ARMC9: variants seen among roughly 807,000 people sequenced by gnomAD.
ARMC9 encodes armadillo repeat containing 9, also known as lisH domain-containing protein ARMC9.
In ARMC9, 94 loss-of-function variants were observed where a neutral mutation model predicts 107.0. The ratio of observed to expected loss-of-function variants is 0.88; its 90% CI spans 0.74 to 1.04. The LOEUF (loss-of-function observed/expected upper bound fraction) is 1.04. ARMC9 is among the 50% of genes least tolerant of loss of function. The pLI is 0.00. For synonymous variants in ARMC9, 380 were observed against 396.9 expected, an observed-to-expected ratio of 0.96 and a Z score of 0.51; for missense variants, 942 against 1,030.1, an observed-to-expected ratio of 0.91 and a Z score of 1.17.
At chr2:231,211,166 A>G (rs1005672589) in intron 3 of ARMC9, among the ~76,000 whole-genome samples, 1 of 151,586 alleles carries the variant, frequency 6.6e-6, no homozygotes, top group Non-Finnish European at 1.5e-5. Flanking sequence ...ACACCCCCAC[A>G]GTTTATCTGT....
chr2:231,309,086 G>C (rs1455035163), intron 19 of ARMC9, among the ~76,000 whole-genome samples: 1 of 152,196 alleles, frequency 6.6e-6, no homozygotes, highest in African/African-American at 2.4e-5. Context: ...GCTTCTTTCT[G>C]GTACCTTTTC....
At chr2:231,254,959 T>C (rs183349274) in intron 9 of ARMC9, among the ~76,000 whole-genome samples, 1 of 152,314 alleles carries the variant, frequency 6.6e-6, no homozygotes, top group East Asian at 1.9e-4. Flanking sequence ...GGCTTTAATA[T>C]ACAAGCACAT....
intron 13 of ARMC9, among the ~76,000 whole-genome samples, chr2:231,272,500 G>GTGTT (rs61386916): frequency 0.26 from 38,262 of 147,460 alleles, 5,195 homozygotes; most frequent in African/African-American, 0.3. Context: ...CAACCAGTAA[G>GTGTT]TGTTTGTTTG....
At chr2:231,221,958 A>G (rs1040213678) in intron 5 of ARMC9, among the ~76,000 whole-genome samples, 27 of 152,066 alleles carry the variant, frequency 1.8e-4, no homozygotes, top group Non-Finnish European at 5.9e-5. Context: ...CTGGAGAGGC[A>G]GAGACAGTGG....
chr2:231,270,405 G>A (rs542754616), intron 12 of ARMC9: 8 of 349,982 alleles, frequency 2.3e-5, no homozygotes, highest in Middle Eastern at 4.0e-4. Context: ...TAATTCATTC[G>A]TCTTTATTTT....
chr2:231,376,679 A>G lies in ARMC9; in HGVS notation c.*5144A>G, dbSNP rs891569038. ...TCGCCCTGCCTCCACTTGCCTTGTGATATTCTATTACCCTGTTAAGTACTT... is the reference window on the plus strand; with the variant it reads ...TCGCCCTGCCTCCACTTGCCTTGTGGTATTCTATTACCCTGTTAAGTACTT... On this transcript the variant is annotated 3_prime_UTR_variant, in exon 25 of 25. Coordinates refer to ENST00000611582, the MANE Select transcript of ARMC9 (RefSeq NM_001352754.2). 7.2e-5 allele frequency among the ~76,000 whole-genome samples: 11 copies of G among 152,074 alleles called. No homozygotes were observed. The highest frequency in any genetic ancestry group is 2.7e-4 in the African/African-American group (11 of 41,468).
At chr2:231,371,139 C>T in intron 24 of ARMC9, 1 of 506,602 alleles carries the variant, frequency 2.0e-6, no homozygotes, top group Admixed American at 2.3e-5. Context: ...GAGGAAGGTG[C>T]CACTGGGGCA....
intron 21 of ARMC9, among the ~76,000 whole-genome samples, chr2:231,352,567 G>C (rs558533015): frequency 6.7e-6 from 1 of 149,778 alleles, no homozygotes; most frequent in Non-Finnish European, 1.5e-5. Flanking sequence ...CAAGTGATCC[G>C]CCCGCCTTGG....
intron 24 of ARMC9, 107 bp downstream of exon 24, chr2:231,370,232 C>A: frequency 7.8e-7 from 1 of 1,280,128 alleles, no homozygotes; most frequent in South Asian, 1.8e-5. Context: ...GTGTACCAGG[C>A]CAGGCCAGAA....
chr2:231,230,346 T>C (rs1439512743), intron 7 of ARMC9, among the ~76,000 whole-genome samples: 2 of 151,530 alleles, frequency 1.3e-5, no homozygotes, highest in African/African-American at 4.9e-5. Context: ...AAAGCCAGAC[T>C]CCGTCTCAAA....
intron 23 of ARMC9, among the ~76,000 whole-genome samples, chr2:231,365,648 GGCAGATAGGAACCAGCCGCACACACA>G (rs550299061): frequency 6.6e-6 from 1 of 152,106 alleles, no homozygotes; most frequent in Non-Finnish European, 1.5e-5. Context: ...AGCAGATAAA[GGCAGATAGGAACCAGCCGCACACACA>G]GCAGATGGGA....
chr2:231,355,303 G>A (rs1266131221), intron 21 of ARMC9, among the ~76,000 whole-genome samples: 3 of 152,176 alleles, frequency 2.0e-5, no homozygotes, highest in Non-Finnish European at 4.4e-5. Flanking sequence ...TTGCACCATG[G>A]CACTCCAGCC....
chr2:231,330,116 G>C (rs968064274), intron 19 of ARMC9, among the ~76,000 whole-genome samples: 3 of 151,994 alleles, frequency 2.0e-5, no homozygotes, highest in African/African-American at 7.3e-5. Flanking sequence ...CTATGTGTCT[G>C]CCCCTCTGCC....
intron 17 of ARMC9, among the ~76,000 whole-genome samples, chr2:231,283,820 T>A (rs968616610): frequency 5.9e-5 from 9 of 152,112 alleles, no homozygotes; most frequent in Admixed American, 2.0e-4. Flanking sequence ...GCAGCCTCCA[T>A]CTCCTAGGCT....
At chr2:231,246,651 T>C (rs2036792630) in intron 9 of ARMC9, among the ~76,000 whole-genome samples, 1 of 152,226 alleles carries the variant, frequency 6.6e-6, no homozygotes, top group African/African-American at 2.4e-5. Flanking sequence ...TTGTGAATAG[T>C]GCTGCCATGA....
intron 23 of ARMC9, among the ~76,000 whole-genome samples, chr2:231,368,203 G>A (rs916104767): frequency 7.2e-5 from 11 of 151,938 alleles, no homozygotes; most frequent in Non-Finnish European, 1.0e-4. Flanking sequence ...ACTAGACCAC[G>A]TACAAAGCTC....
chr2:231,206,979 G>A (rs576642960), intron 2 of ARMC9, among the ~76,000 whole-genome samples: 17 of 152,326 alleles, frequency 1.1e-4, no homozygotes, highest in African/African-American at 3.1e-4. Context: ...GTGTGATGGC[G>A]AATATATTCT....
intron 1 of ARMC9, among the ~76,000 whole-genome samples, chr2:231,202,294 C>G (rs2031165575): frequency 6.6e-6 from 1 of 151,324 alleles, no homozygotes; most frequent in South Asian, 2.1e-4. Context: ...GCCACCGTGC[C>G]CAGCTGATCT....
chr2:231,220,265 A>G (rs1038050108), intron 5 of ARMC9, among the ~76,000 whole-genome samples: 4 of 151,682 alleles, frequency 2.6e-5, no homozygotes, highest in Non-Finnish European at 4.4e-5. Flanking sequence ...ACATTTTTAT[A>G]GTCTCTCATT....
Sources: allele counts gnomAD v4.1 joint callset (sites outside exome capture counted in the v4.1 genomes callset), GRCh38; gene constraint gnomAD v4.1.1; transcripts MANE v1.5; gene names NCBI Gene and HGNC (gene_info 2026-07-23, HGNC 2026-07-21).